The following NR1D2 variants were observed in gnomAD, a reference collection of about 807,000 sequenced individuals.
NR1D2 encodes nuclear receptor subfamily 1 group D member 2, also known as V-erbA-related protein 1-related.
Under a neutral mutation model 52.2 loss-of-function variants are expected in NR1D2, and 25 were observed. The observed-to-expected ratio is 0.48, with a 90% CI of 0.35 to 0.67. The LOEUF is 0.67. NR1D2 is among the 30% of genes least tolerant of loss of function. The pLI is 0.01. For missense variants in NR1D2, 681 were observed against 707.2 expected (o/e 0.96, Z 0.42); for synonymous variants, 259 against 230.1 (o/e 1.13, Z -1.14).
chr3:23,977,441 G>A lies in NR1D2; in HGVS notation c.*22G>A, dbSNP rs1408758752. The A allele has an allele frequency of 1.3e-6, 2 of 1,487,710 alleles. No homozygotes were observed. The highest frequency in any genetic ancestry group is 2.6e-5 in the South Asian group (2 of 78,052). The allele number at this position is 1,487,710 out of a possible 1,614,324, so 92.2% of individuals were successfully genotyped here. ...TTAAGGCCTTTGTTTATTTAAACAT[G>A]AACTGATGGTAACTGTACATTTTGT... On this transcript the variant is annotated 3_prime_UTR_variant, in exon 8 of 8. Coordinates refer to ENST00000312521, the MANE Select transcript of NR1D2 (RefSeq NM_005126.5).
In NR1D2 at chr3:23,954,622, GTCC is replaced by G. The variant is rs775035300; in HGVS notation, c.111_113del (p.Ser39del). Reference sequence around the variant, plus strand: ...GTGAGGGTTCTGAGAATAGTTTCCAGTCCTCCTCCTCTTCTGTTCCATCTTCTC... The same window carrying G: ...GTGAGGGTTCTGAGAATAGTTTCCAGTCCTCCTCTTCTGTTCCATCTTCTC... On this transcript the variant is annotated inframe_deletion, in exon 2 of 8. Coordinates refer to ENST00000312521, the MANE Select transcript of NR1D2 (RefSeq NM_005126.5). 1.1e-5 allele frequency: 17 copies of G among 1,613,972 alleles called. No individual in the cohort carries two copies. The highest frequency in any genetic ancestry group is 4.5e-5 in the East Asian group (2 of 44,888).
chr3:23,972,229 T>C lies in NR1D2; in HGVS notation c.1543+4206T>C, dbSNP rs985298044. On this transcript the variant is annotated intron_variant, in intron 7 of 7. Coordinates refer to ENST00000312521, the MANE Select transcript of NR1D2 (RefSeq NM_005126.5). The stretch of plus-strand genomic sequence containing the variant: ...AGCTGGGACATGTTATTCACAGTTA[T>C]ACAGACAAGGGATTTGAGGAACAGA... Among the ~76,000 whole-genome samples the C allele has an allele frequency of 2.6e-4, 40 of 152,342 alleles. 1 individual carries two copies. Among genetic ancestry groups the C allele is most frequent in the African/African-American group, 9.1e-4 (38 of 41,568 alleles).
At chr3:23,964,928 C>G (rs770168655) in intron 5 of NR1D2, 49 bp from the exon 6 acceptor site, 1 of 1,282,328 alleles carries the variant, frequency 7.8e-7, no homozygotes, top group East Asian at 2.4e-5. Context: ...TTTGACATTT[C>G]TTTACCACCT....
intron 1 of NR1D2, among the ~76,000 whole-genome samples, chr3:23,951,830 C>T (rs1476094098): frequency 6.6e-6 from 1 of 152,162 alleles, no homozygotes. Flanking sequence ...TGAAAAAGCA[C>T]CAGCTAGTTT....
At chr3:23,969,940 G>A (rs1175559258) in intron 7 of NR1D2, among the ~76,000 whole-genome samples, 1 of 152,272 alleles carries the variant, frequency 6.6e-6, no homozygotes, top group East Asian at 1.9e-4. Flanking sequence ...AGGGTCAGGT[G>A]GCCAAAGCCT....
At chr3:23,956,517 A>C (rs1373013848) in intron 3 of NR1D2, among the ~76,000 whole-genome samples, 1 of 152,228 alleles carries the variant, frequency 6.6e-6, no homozygotes, top group Admixed American at 6.5e-5. Flanking sequence ...ACTTTGAATT[A>C]GGATCTCATC....
In NR1D2 at chr3:23,962,045, A is replaced by G. The variant is rs1444460954; in HGVS notation, c.586A>G (p.Lys196Glu). 6.2e-7 allele frequency: 1 copy of G among 1,614,226 alleles called. No individual in the cohort carries two copies. The highest frequency in any genetic ancestry group is 1.7e-5 in the Admixed American group (1 of 60,030). ...GCTAATTGAAATGCAAAGTGCAATG[A>G]AGACCATGATGAACAGCCAGTTCAG... is the stretch of plus-strand genomic sequence containing the variant. ...RMLIEMQSAM[K>E]TMMNSQFSGH... Residue 196 changes from lysine to glutamate, a missense_variant, in exon 5 of 8, where the codon AAG becomes GAG. Coordinates refer to ENST00000312521, the MANE Select transcript of NR1D2 (RefSeq NM_005126.5).
intron 7 of NR1D2, among the ~76,000 whole-genome samples, chr3:23,968,292 G>A (rs1434046343): frequency 6.6e-6 from 1 of 152,128 alleles, no homozygotes; most frequent in Non-Finnish European, 1.5e-5. Flanking sequence ...ATTTTTCTAT[G>A]AGTCTAAATC....
At chr3:23,954,856 T>G (rs1288485204) in intron 2 of NR1D2, 53 bp downstream of exon 2, 2 of 1,550,782 alleles carry the variant, frequency 1.3e-6, no homozygotes, top group Non-Finnish European at 1.8e-6. Flanking sequence ...AAATGGGGCT[T>G]ATTTTATCAG....
chr3:23,978,248 A>G lies in NR1D2; in HGVS notation c.*829A>G, dbSNP rs574634547. 3.3e-5 allele frequency: 5 copies of G among 152,190 alleles called. No individual in the cohort carries two copies. Among genetic ancestry groups the G allele is most frequent in the Admixed American group, 2.0e-4 (3 of 15,270 alleles). 9.4% of individuals were successfully genotyped at this position (152,190 alleles called of 1,614,324 possible). On this transcript the variant is annotated 3_prime_UTR_variant, in exon 8 of 8. Transcript: ENST00000312521. ...ACATGTACATAATATGTATGTGAAT[A>G]TAGTTAAATATATTTCTTCACAATA...
At chr3:23,958,761 A>G (rs1435004934) in intron 3 of NR1D2, among the ~76,000 whole-genome samples, 1 of 151,958 alleles carries the variant, frequency 6.6e-6, no homozygotes, top group Admixed American at 6.6e-5. Flanking sequence ...CAGCCTGGCC[A>G]ACATGGTGAA....
rs749593798 is a variant in NR1D2, at chr3:23,965,007, G to T, written c.1177G>T (p.Asp393Tyr). The change falls in exon 6 of 8, where the codon GAT becomes TAT. Residue 393 changes from aspartate to tyrosine, a missense_variant. Asp to Tyr is a radical substitution (Grantham distance 160). Coordinates refer to ENST00000312521, the MANE Select transcript of NR1D2 (RefSeq NM_005126.5). ...TCCAATGAGTAAGTCTCCATATGTG[G>T]ATCCTCATAAATCAGGACATGAAAT... Reference protein sequence around the residue: ...VCPMSKSPYVDPHKSGHEIWE... With the variant: ...VCPMSKSPYVYPHKSGHEIWE... The T allele has an allele frequency of 8.7e-6, 14 of 1,613,332 alleles. 2 individuals are homozygous for T. In the South Asian group the frequency reaches 1.5e-4, roughly 18 times the overall value.
Position 23,967,590 on chromosome 3 carries a change from C to T in NR1D2, c.1333-223C>T, listed in dbSNP as rs552709982. Among the ~76,000 whole-genome samples, 7 of 151,976 alleles carry T rather than the reference C, an allele frequency of 4.6e-5. No homozygotes were observed. In the East Asian group the frequency reaches 9.7e-4, roughly 21 times the overall value. On this transcript the variant is annotated intron_variant, in intron 6 of 7. Transcript: ENST00000312521. ...AAGATCATGCCATTGCACTCCAGCT[C>T]GGGCCACAAGAACGAAACTCCATGT...
chr3:23,948,937 G>A (rs1480622101), intron 1 of NR1D2, among the ~76,000 whole-genome samples: 1 of 152,220 alleles, frequency 6.6e-6, no homozygotes, highest in Non-Finnish European at 1.5e-5. Context: ...GAAAAGGATA[G>A]TCATCTGCAG....
chr3:23,945,776 C>T (rs1184759695), intron 1 of NR1D2, among the ~76,000 whole-genome samples, 182 bp downstream of exon 1: 3 of 150,482 alleles, frequency 2.0e-5, no homozygotes, highest in African/African-American at 4.9e-5. Context: ...GGCGCCCGCC[C>T]TCTTGTCTCC....
Position 23,954,743 on chromosome 3 carries a change from T to C in NR1D2, c.223T>C (p.Ser75Pro). The C allele has an allele frequency of 1.9e-6, 3 of 1,614,202 alleles. No individual in the cohort carries two copies. Among genetic ancestry groups the C allele is most frequent in the African/African-American group, 2.7e-5 (2 of 75,066 alleles). ...CTTGAAGAATGATCGAATAGATTGT[T>C]CTATGAAAACAAGCAAATCGAGTGC... ...GILKNDRIDCSMKTSKSSAPG... is the reference protein window; with the variant it reads ...GILKNDRIDCPMKTSKSSAPG... The change falls in exon 2 of 8, where the codon TCT becomes CCT. Residue 75 changes from serine to proline, a missense_variant. By Grantham distance (74) the Ser-to-Pro change is moderately conservative. Around this residue, in one of 3 missense-constraint regions of NR1D2, gnomAD observed 94 missense variants for 90.4 expected, o/e 1.04. Coordinates refer to ENST00000312521, the MANE Select transcript of NR1D2 (RefSeq NM_005126.5).
At position 23,962,107 on chromosome 3, in the gene NR1D2, T is replaced by C. The variant is rs752647568; in HGVS notation, c.648T>C (p.His216=). Residue 216 remains histidine, a synonymous_variant, in exon 5 of 8, where the codon CAT becomes CAC. Transcript: ENST00000312521. ...AAAATGACACATTAGTAGAACATCA[T>C]GAACAGACAGCCTTGCCAGCCCAGG... ...HLQNDTLVEH[H]EQTALPAQEQ... 2 of 1,614,166 alleles carry C rather than the reference T, an allele frequency of 1.2e-6. No individual in the cohort carries two copies. The highest frequency in any genetic ancestry group is 1.7e-6 in the Non-Finnish European group (2 of 1,180,018).
rs147385986 is a variant in NR1D2 at position 23,961,870 on chromosome 3, T to C, written c.518-107T>C. On this transcript the variant is annotated intron_variant, in intron 4 of 7. Transcript: ENST00000312521. The stretch of plus-strand genomic sequence containing the variant: ...ACCAGAGACATGTAGACTCATTCTT[T>C]ATATGTATGACTAGAGGCCATAACT... 4.3e-4 allele frequency: 442 copies of C among 1,021,996 alleles called. 1 individual carries two copies. The African/African-American group carries it at 5.9e-3, about 14-fold the overall frequency. 63.3% of individuals were successfully genotyped at this position (1,021,996 alleles called of 1,614,324 possible).
At chr3:23,967,476 C>T (rs988204185) in intron 6 of NR1D2, among the ~76,000 whole-genome samples, 1 of 151,866 alleles carries the variant, frequency 6.6e-6, no homozygotes, top group Non-Finnish European at 1.5e-5. Context: ...ATTAGTTGGG[C>T]GTGGTGGCGC....
Sources: allele counts gnomAD v4.1 joint callset (sites outside exome capture counted in the v4.1 genomes callset), GRCh38; gene constraint gnomAD v4.1.1; regional missense constraint gnomAD v4.1.1; transcripts MANE v1.5; gene names NCBI Gene and HGNC (gene_info 2026-07-23, HGNC 2026-07-21).